Variants in TRDN observed in about 807,000 individuals in gnomAD.
TRDN encodes triadin.
A neutral mutation model predicts 149.7 loss-of-function variants in TRDN; 161 were observed. The ratio of observed to expected loss-of-function variants is 1.08; its 90% CI spans 0.95 to 1.23. TRDN has a LOEUF of 1.23. Ranked by LOEUF, TRDN falls within the 50% of genes most tolerant of loss-of-function variation. TRDN has a pLI of 0.00. For synonymous variants in TRDN, 294 were observed against 250.5 expected (o/e 1.17, Z -1.64); for missense variants, 896 against 823.5 (o/e 1.09, Z -1.08).
intron 12 of TRDN, among the ~76,000 whole-genome samples, chr6:123,430,661 G>A (rs898545726): frequency 6.6e-6 from 1 of 151,932 alleles, no homozygotes; most frequent in African/African-American, 2.4e-5. Context: ...CCTCAGAGAG[G>A]GTAGCCCCAA....
At chr6:123,343,297 A>C (rs2114262951) in intron 21 of TRDN, among the ~76,000 whole-genome samples, 1 of 152,108 alleles carries the variant, frequency 6.6e-6, no homozygotes, top group Admixed American at 6.6e-5. Flanking sequence ...CATTTAAGAT[A>C]TAATACATTC....
chr6:123,422,156 CT>C (rs576149311), intron 12 of TRDN, among the ~76,000 whole-genome samples: 1 of 152,004 alleles, frequency 6.6e-6, no homozygotes, highest in Non-Finnish European at 1.5e-5. Flanking sequence ...CAAATATTAT[CT>C]CATTTTTTAT....
intron 10 of TRDN, among the ~76,000 whole-genome samples, chr6:123,446,346 CT>C (rs1419849643): frequency 6.6e-6 from 1 of 151,866 alleles, no homozygotes; most frequent in African/African-American, 2.4e-5. Flanking sequence ...TGTAACTAAC[CT>C]GCACAATGTG....
At position 123,594,301 on chromosome 6, in the gene TRDN, A is replaced by G. The variant is rs537102054; in HGVS notation, c.23-23169T>C. Among the ~76,000 whole-genome samples the G allele has an allele frequency of 3.3e-5, 5 of 152,190 alleles. 1 individual carries two copies. The highest frequency in any genetic ancestry group is 9.6e-5 in the African/African-American group (4 of 41,540). On this transcript the variant is annotated intron_variant, in intron 1 of 40. Transcript: ENST00000334268. ...TAACCCTATTATTTTTACCTTATGA[A>G]TCTATAACTGTAAAAGACCACATAT...
chr6:123,488,368 T>C (rs1303174397), intron 9 of TRDN, among the ~76,000 whole-genome samples: 2 of 152,178 alleles, frequency 1.3e-5, no homozygotes, highest in South Asian at 2.1e-4. Flanking sequence ...TGCAGCTAGA[T>C]ACCATCTGTG....
intron 24 of TRDN, among the ~76,000 whole-genome samples, chr6:123,309,526 G>C (rs997229485): frequency 1.3e-5 from 2 of 151,904 alleles, no homozygotes; most frequent in Non-Finnish European, 2.9e-5. Flanking sequence ...CCTGAACAAG[G>C]GGCAAAGGGA....
intron 1 of TRDN, among the ~76,000 whole-genome samples, chr6:123,602,098 C>A (rs1173784880): frequency 6.6e-6 from 1 of 152,108 alleles, no homozygotes; most frequent in Non-Finnish European, 1.5e-5. Flanking sequence ...TCCCTGCTCT[C>A]ATGACGTTTA....
At chr6:123,526,278 G>A (rs920039244) in intron 5 of TRDN, among the ~76,000 whole-genome samples, 2 of 152,016 alleles carry the variant, frequency 1.3e-5, no homozygotes, top group Non-Finnish European at 2.9e-5. Context: ...GAAGAGAACA[G>A]AGATGGTATC....
intron 24 of TRDN, among the ~76,000 whole-genome samples, chr6:123,292,100 C>T (rs1262025273): frequency 1.3e-5 from 2 of 152,188 alleles, no homozygotes; most frequent in Non-Finnish European, 2.9e-5. Context: ...CCATTCCCTT[C>T]GGCCCATGGA....
intron 21 of TRDN, among the ~76,000 whole-genome samples, chr6:123,339,352 G>A (rs142688543): frequency 6.6e-6 from 1 of 152,128 alleles, no homozygotes; most frequent in Non-Finnish European, 1.5e-5. Context: ...AGCTGAGAAT[G>A]GTTCTTAGAG....
intron 24 of TRDN, among the ~76,000 whole-genome samples, chr6:123,316,144 C>T (rs1779013226): frequency 1.3e-5 from 2 of 151,832 alleles, no homozygotes; most frequent in African/African-American, 4.8e-5. Flanking sequence ...AAGGTGCCCT[C>T]TTAGCATTTC....
At chr6:123,568,651 C>T (rs1782411251) in intron 2 of TRDN, among the ~76,000 whole-genome samples, 1 of 152,180 alleles carries the variant, frequency 6.6e-6, no homozygotes, top group South Asian at 2.1e-4. Flanking sequence ...GGAGTGGGAG[C>T]CTGATCTGCA....
At chr6:123,550,269 A>C (rs1781318715) in intron 2 of TRDN, among the ~76,000 whole-genome samples, 1 of 152,022 alleles carries the variant, frequency 6.6e-6, no homozygotes, top group Non-Finnish European at 1.5e-5. Context: ...AGGGGAGATG[A>C]CAGAGAGAGT....
chr6:123,396,059 T>C (rs73771944), intron 12 of TRDN, among the ~76,000 whole-genome samples: 19,450 of 152,180 alleles, frequency 0.13, 1,220 homozygotes, highest in Middle Eastern at 0.16. Flanking sequence ...CATCTGCTCT[T>C]GCACAGCATT....
At chr6:123,542,373 A>G (rs1780880266) in intron 4 of TRDN, among the ~76,000 whole-genome samples, 1 of 152,184 alleles carries the variant, frequency 6.6e-6, no homozygotes, top group Admixed American at 6.5e-5. Flanking sequence ...CCATGGTCCT[A>G]AAATTAAAGA....
chr6:123,377,701 A>G lies in TRDN; in HGVS notation c.1246+15T>C, dbSNP rs891359516. On this transcript the variant is annotated intron_variant, in intron 18 of 40. Transcript: ENST00000334268. The stretch of plus-strand genomic sequence containing the variant: ...ACATGAGTATTCGGAATCCAGCAAC[A>G]GTGGTCTTACTCACCTGAGTGTTCT... The G allele has an allele frequency of 6.2e-7, 1 of 1,613,142 alleles. No homozygotes were observed. Among genetic ancestry groups the G allele is most frequent in the Admixed American group, 1.7e-5 (1 of 59,958 alleles).
At chr6:123,383,972 G>A (rs1340711961) in intron 14 of TRDN, among the ~76,000 whole-genome samples, 6 of 152,052 alleles carry the variant, frequency 3.9e-5, no homozygotes, top group Non-Finnish European at 7.4e-5. Flanking sequence ...AATAATTTTA[G>A]AATAGATTTT....
chr6:123,469,972 G>T (rs1273875745), intron 9 of TRDN: 1 of 152,132 alleles, frequency 6.6e-6, no homozygotes, highest in East Asian at 1.9e-4. Context: ...TTCAGTTAGT[G>T]GCAAAGGCTT....
intron 1 of TRDN, among the ~76,000 whole-genome samples, chr6:123,584,782 C>A (rs1428045005): frequency 1.3e-5 from 2 of 152,146 alleles, no homozygotes; most frequent in Non-Finnish European, 1.5e-5. Context: ...TGTTTGAGAT[C>A]CAGAACAGAA....
Sources: allele counts gnomAD v4.1 joint callset (sites outside exome capture counted in the v4.1 genomes callset), GRCh38; gene constraint gnomAD v4.1.1; transcripts MANE v1.5; gene names NCBI Gene and HGNC (gene_info 2026-07-23, HGNC 2026-07-21).